LRRTM4: variants seen among roughly 807,000 people sequenced by gnomAD.
The protein encoded by LRRTM4 is leucine rich repeat transmembrane neuronal 4, also known as leucine-rich repeat transmembrane neuronal protein 4.
LRRTM4 carries 25 observed loss-of-function variants against 47.6 expected under a neutral mutation model. The ratio of observed to expected loss-of-function variants is 0.53; its 90% CI spans 0.38 to 0.73. LRRTM4 has a LOEUF of 0.73. Among genes scored for constraint, LRRTM4 ranks in the 30% least tolerant of loss-of-function variants. The pLI, the probability that LRRTM4 is intolerant of heterozygous loss-of-function variation, is 0.00. For missense variants in LRRTM4, 638 were observed against 713.4 expected, an observed-to-expected ratio of 0.89 and a Z score of 1.20; for synonymous variants, 311 against 269.5, an observed-to-expected ratio of 1.15 and a Z score of -1.51.
chr2:77,141,974 A>G (rs1034592601), intron 3 of LRRTM4, among the ~76,000 whole-genome samples: 2 of 152,184 alleles, frequency 1.3e-5, no homozygotes, highest in Non-Finnish European at 2.9e-5. Context: ...TGTTGCATTC[A>G]TGACTAGAAT....
At chr2:77,495,154 G>T (rs1227548676) in intron 3 of LRRTM4, among the ~76,000 whole-genome samples, 1 of 151,772 alleles carries the variant, frequency 6.6e-6, no homozygotes, top group Non-Finnish European at 1.5e-5. Context: ...ATGTCCCTTG[G>T]TTACCTAAAA....
At chr2:77,503,997 T>C (rs556287912) in intron 3 of LRRTM4, among the ~76,000 whole-genome samples, 6 of 151,628 alleles carry the variant, frequency 4.0e-5, no homozygotes, top group Admixed American at 6.6e-5. Flanking sequence ...TGGAGAAAAG[T>C]AGACTGGGGT....
intron 3 of LRRTM4, among the ~76,000 whole-genome samples, chr2:76,763,100 T>A (rs1673321126): frequency 1.3e-5 from 2 of 152,146 alleles, no homozygotes; most frequent in Admixed American, 1.3e-4. Flanking sequence ...ATGAAAAGGT[T>A]TACAAAAGAT....
At chr2:77,232,555 C>A (rs956877168) in intron 3 of LRRTM4, among the ~76,000 whole-genome samples, 3 of 152,144 alleles carry the variant, frequency 2.0e-5, no homozygotes, top group South Asian at 2.1e-4. Context: ...GCACCTAAGT[C>A]TGAATGTTTA....
rs1463655285 is a variant in LRRTM4 at position 76,936,701 on chromosome 2, TC to T, written c.1552-187786del. On this transcript the variant is annotated intron_variant, in intron 3 of 3. Transcript: ENST00000409884. ...CGGGCACAGTGACTCACGCCTCTAA[TC>T]CCAGCACTTTGAGAGGCCAAGGCAG... Among the ~76,000 whole-genome samples, 3 of 151,096 alleles carry T rather than the reference TC, an allele frequency of 2.0e-5. No homozygotes were observed. The East Asian group carries it at 5.9e-4, about 29-fold the overall frequency.
chr2:77,348,930 C>T (rs1249122367), intron 3 of LRRTM4, among the ~76,000 whole-genome samples: 2 of 151,632 alleles, frequency 1.3e-5, no homozygotes, highest in East Asian at 1.9e-4. Flanking sequence ...GTATAGCAGC[C>T]ACTTATAATA....
chr2:77,264,367 C>A (rs754990327), intron 3 of LRRTM4, among the ~76,000 whole-genome samples: 1 of 151,406 alleles, frequency 6.6e-6, no homozygotes, highest in African/African-American at 2.4e-5. Flanking sequence ...TGCAAGTGAG[C>A]GCTCTGGTTT....
At position 76,748,546 on chromosome 2, in the gene LRRTM4, T is replaced by C. The variant is rs1672723615; in HGVS notation, c.*149A>G. 1.5e-6 allele frequency: 1 copy of C among 665,968 alleles called. No individual in the cohort carries two copies. Among genetic ancestry groups the C allele is most frequent in the African/African-American group, 1.8e-5 (1 of 55,000 alleles). The allele number at this position is 665,968 out of a possible 1,614,324, so 41.3% of individuals were successfully genotyped here. On this transcript the variant is annotated 3_prime_UTR_variant, in exon 4 of 4. Transcript: ENST00000409884. The stretch of plus-strand genomic sequence containing the variant: ...TCGCTGCCCTCTTCAAGCAGTTTTT[T>C]TTTCTCTTTTTCTTTTCTCTATGCC...
intron 3 of LRRTM4, among the ~76,000 whole-genome samples, chr2:76,751,051 A>C (rs1462683637): frequency 6.6e-6 from 1 of 152,230 alleles, no homozygotes; most frequent in South Asian, 2.1e-4. Context: ...ATGTATGTGC[A>C]TATCAATGTG....
At chr2:77,048,191 T>A (rs1679297471) in intron 3 of LRRTM4, among the ~76,000 whole-genome samples, 1 of 152,028 alleles carries the variant, frequency 6.6e-6, no homozygotes, top group African/African-American at 2.4e-5. Flanking sequence ...ATAATCATGA[T>A]TTTATAATGA....
chr2:77,055,620 A>C (rs552388335), intron 3 of LRRTM4, among the ~76,000 whole-genome samples: 38 of 152,292 alleles, frequency 2.5e-4, no homozygotes, highest in African/African-American at 9.1e-4. Context: ...ACCATTGTGG[A>C]AGTCAGTGTG....
intron 3 of LRRTM4, among the ~76,000 whole-genome samples, chr2:76,761,909 A>T (rs963447199): frequency 6.6e-6 from 1 of 152,212 alleles, no homozygotes; most frequent in Non-Finnish European, 1.5e-5. Context: ...CTACAAAAGG[A>T]TGTCCTCTGA....
At chr2:77,430,338 AC>A (rs1675315275) in intron 3 of LRRTM4, among the ~76,000 whole-genome samples, 1 of 152,196 alleles carries the variant, frequency 6.6e-6, no homozygotes. Flanking sequence ...TAATCTCTTA[AC>A]CTTTTAAAAT....
At position 76,873,206 on chromosome 2, in the gene LRRTM4, G is replaced by A. The variant is rs76687341; in HGVS notation, c.1552-124290C>T. Among the ~76,000 whole-genome samples, 939 of 152,016 alleles carry A rather than the reference G, an allele frequency of 6.2e-3. 12 individuals are homozygous for A. Among genetic ancestry groups the A allele is most frequent in the African/African-American group, 0.022 (897 of 41,482 alleles). ...GATGTTGACAATAGAAATAATTCAT[G>A]TCCCTTCTATGTAAGAAGGAAATTG... On this transcript the variant is annotated intron_variant, in intron 3 of 3. Coordinates refer to ENST00000409884, the MANE Select transcript of LRRTM4 (RefSeq NM_001134745.3).
At chr2:76,793,697 C>T (rs972193626) in intron 3 of LRRTM4, among the ~76,000 whole-genome samples, 1 of 152,088 alleles carries the variant, frequency 6.6e-6, no homozygotes, top group Non-Finnish European at 1.5e-5. Context: ...GGTTGCCAGC[C>T]TTTGCAAAGT....
chr2:76,872,072 G>T (rs1481195783), intron 3 of LRRTM4, among the ~76,000 whole-genome samples: 7 of 152,176 alleles, frequency 4.6e-5, no homozygotes, highest in Admixed American at 3.3e-4. Context: ...AGGGTAATGA[G>T]TATGTGCTAT....
chr2:77,296,190 ATT>A (rs985095311), intron 3 of LRRTM4, among the ~76,000 whole-genome samples: 51 of 152,250 alleles, frequency 3.3e-4, no homozygotes, highest in African/African-American at 1.2e-3. Flanking sequence ...CGATAGAAAT[ATT>A]TGAGAAATTA....
intron 3 of LRRTM4, among the ~76,000 whole-genome samples, chr2:76,968,348 A>ATATGTGTG (rs1323714499): frequency 1.7e-3 from 156 of 90,598 alleles, no homozygotes; most frequent in East Asian, 7.6e-3. Context: ...GTGTATATAT[A>ATATGTGTG]TATATATATA....
chr2:77,254,497 T>C (rs956954068), intron 3 of LRRTM4, among the ~76,000 whole-genome samples: 9 of 151,894 alleles, frequency 5.9e-5, no homozygotes, highest in Non-Finnish European at 1.5e-5. Flanking sequence ...GAAGGAAGGA[T>C]GAAAAATAGG....
Sources: gnomAD v4.1 joint callset for allele counts (sites outside exome capture counted in the v4.1 genomes callset) on GRCh38, gnomAD v4.1.1 for gene constraint, MANE v1.5 for transcripts, NCBI Gene and HGNC (gene_info 2026-07-23, HGNC 2026-07-21) for gene names.